LRCH1: variants seen among roughly 807,000 people sequenced by gnomAD.
The protein encoded by LRCH1 is leucine-rich repeat and calponin homology domain-containing protein 1.
A neutral mutation model predicts 94.9 loss-of-function variants in LRCH1; 23 were observed. That is an observed-to-expected ratio of 0.24 (90% confidence interval 0.17 to 0.34). The LOEUF (loss-of-function observed/expected upper bound fraction) is 0.34. Ranked by LOEUF, LRCH1 falls within the 10% of genes least tolerant of loss-of-function variation. LRCH1 has a pLI of 1.00. For missense variants in LRCH1, 790 were observed against 945.9 expected (o/e 0.84, Z 2.16); for synonymous variants, 364 against 354.9 (o/e 1.03, Z -0.29).
chr13:46,680,618 T>C (rs1372997335), intron 3 of LRCH1, among the ~76,000 whole-genome samples: 1 of 152,002 alleles, frequency 6.6e-6, no homozygotes, highest in Non-Finnish European at 1.5e-5. Context: ...CATGAACAAG[T>C]TTGGGAATTA....
At chr13:46,703,541 C>G (rs987845246) in intron 11 of LRCH1, among the ~76,000 whole-genome samples, 1 of 152,002 alleles carries the variant, frequency 6.6e-6, no homozygotes, top group Non-Finnish European at 1.5e-5. Flanking sequence ...TCCTAAGAGA[C>G]AAGAAGACGT....
intron 1 of LRCH1, among the ~76,000 whole-genome samples, chr13:46,573,864 ATAT>A (rs1452240515): frequency 5.0e-5 from 3 of 59,972 alleles, no homozygotes; most frequent in East Asian, 5.6e-4. Context: ...ATATATATAT[ATAT>A]TTTTTTTTTT....
At chr13:46,636,093 G>A (rs764076537) in intron 1 of LRCH1, among the ~76,000 whole-genome samples, 1 of 94,328 alleles carries the variant, frequency 1.1e-5, no homozygotes. Flanking sequence ...TTTTTGAGAT[G>A]AAGTCTCGCT....
rs555839973 is a variant in LRCH1 at position 46,731,918 on chromosome 13, C to T, written c.2008-2003C>T. On this transcript the variant is annotated intron_variant, in intron 18 of 19. Coordinates refer to ENST00000389797, the MANE Select transcript of LRCH1 (RefSeq NM_001164211.2). The stretch of plus-strand genomic sequence containing the variant: ...TCAACGCCTTAGGACAGGGTTTCTT[C>T]CTTTGTTCATTTTCCGTCACACCTA... Among the ~76,000 whole-genome samples the T allele has an allele frequency of 1.1e-4, 17 of 152,292 alleles. 1 individual carries two copies. In the South Asian group the frequency reaches 3.3e-3, roughly 30 times the overall value.
intron 19 of LRCH1, among the ~76,000 whole-genome samples, chr13:46,734,875 A>G (rs968506591): frequency 6.6e-6 from 1 of 152,230 alleles, no homozygotes; most frequent in African/African-American, 2.4e-5. Flanking sequence ...TTTTGAGTAT[A>G]TGAAGAGTTA....
rs144743800 is a variant in LRCH1 at position 46,699,366 on chromosome 13, C to T, written c.1276C>T (p.Arg426Trp). 270 of 1,614,052 alleles carry T rather than the reference C, an allele frequency of 1.7e-4. No homozygotes were observed. The highest frequency in any genetic ancestry group is 2.2e-4 in the Non-Finnish European group (254 of 1,179,936). Residue 426 changes from arginine (R) to tryptophan (W), a missense_variant, in exon 10 of 20, where the codon CGG becomes TGG. Transcript: ENST00000389797. Reference protein sequence around the residue: ...ARAEDCEELLRIEEDVHWQTE... With the variant: ...ARAEDCEELLWIEEDVHWQTE... ...GGCAGAAGACTGTGAAGAGCTGTTA[C>T]GGATAGAAGAGGATGTGCACTGGCA...
chr13:46,583,911 C>A (rs1286544057), intron 1 of LRCH1, among the ~76,000 whole-genome samples: 4 of 152,030 alleles, frequency 2.6e-5, no homozygotes, highest in African/African-American at 9.7e-5. Context: ...CAGGCGTGAG[C>A]CACTGCGCCC....
intron 1 of LRCH1, among the ~76,000 whole-genome samples, chr13:46,630,939 T>A (rs1276588507): frequency 1.3e-5 from 2 of 152,234 alleles, no homozygotes; most frequent in South Asian, 4.1e-4. Flanking sequence ...TGCTTCTGGT[T>A]CTGCCTTCAG....
rs1430038789 is a variant in LRCH1 at position 46,744,894 on chromosome 13, A to G, written c.*3046A>G. 27 of 984,798 alleles carry G rather than the reference A, an allele frequency of 2.7e-5. No individual in the cohort carries two copies. The highest frequency in any genetic ancestry group is 3.1e-5 in the Non-Finnish European group (26 of 829,600). 61.0% of individuals were successfully genotyped at this position (984,798 alleles called of 1,614,324 possible). A position where few individuals can be genotyped will look rare whatever the true frequency, so the allele number is the denominator to read the frequency against. On this transcript the variant is annotated 3_prime_UTR_variant, in exon 20 of 20. Coordinates refer to ENST00000389797, the MANE Select transcript of LRCH1 (RefSeq NM_001164211.2). ...GTTCTCAATAAACAATCAATTTGGT[A>G]TATAGAATGTGCCCTTTTTTTCTTC... is the stretch of plus-strand genomic sequence containing the variant.
At chr13:46,684,976 G>C (rs1870531104) in intron 4 of LRCH1, among the ~76,000 whole-genome samples, 1 of 152,218 alleles carries the variant, frequency 6.6e-6, no homozygotes, top group Admixed American at 6.5e-5. Flanking sequence ...CTCCAGGTCA[G>C]TGTCTTCAGT....
intron 1 of LRCH1, among the ~76,000 whole-genome samples, chr13:46,583,010 C>T (rs1391257400): frequency 2.0e-5 from 3 of 152,006 alleles, no homozygotes; most frequent in Non-Finnish European, 4.4e-5. Context: ...AATGTGTTCC[C>T]AAGAAATCCA....
At position 46,744,753 on chromosome 13, in the gene LRCH1, A is replaced by T; in HGVS notation, c.*2905A>T. The T allele has an allele frequency of 1.0e-6, 1 of 985,404 alleles. No individual in the cohort carries two copies. Among genetic ancestry groups the T allele is most frequent in the Non-Finnish European group, 1.2e-6 (1 of 829,900 alleles). 61.0% of individuals were successfully genotyped at this position (985,404 alleles called of 1,614,324 possible). A position where few individuals can be genotyped will look rare whatever the true frequency, so the allele number is the denominator to read the frequency against. ...TGCCTGTGGGGAAAAAGTAGGGATG[A>T]TATTTTAAAATTTTAAGAAACTGAA... On this transcript the variant is annotated 3_prime_UTR_variant, in exon 20 of 20. Coordinates refer to ENST00000389797, the MANE Select transcript of LRCH1 (RefSeq NM_001164211.2).
intron 2 of LRCH1, among the ~76,000 whole-genome samples, chr13:46,651,703 C>CT (rs58584317): frequency 0.53 from 67,897 of 127,018 alleles, 18,335 homozygotes; most frequent in South Asian, 0.6. Context: ...TGTAGAAGTG[C>CT]TTTTTTTTTT....
At chr13:46,738,427 G>A (rs1159661797) in intron 19 of LRCH1, among the ~76,000 whole-genome samples, 1 of 152,156 alleles carries the variant, frequency 6.6e-6, no homozygotes, top group Non-Finnish European at 1.5e-5. Context: ...TTGTGTTAAA[G>A]GTTTTATATA....
chr13:46,747,592 G>A (rs1424943323), downstream of LRCH1, among the ~76,000 whole-genome samples: 1 of 152,230 alleles, frequency 6.6e-6, no homozygotes, highest in Admixed American at 6.5e-5. Flanking sequence ...AAACACTGAG[G>A]TTGAAAAGCA....
At chr13:46,672,178 A>T (rs1482677785) in intron 3 of LRCH1, among the ~76,000 whole-genome samples, 1 of 152,104 alleles carries the variant, frequency 6.6e-6, no homozygotes, top group Non-Finnish European at 1.5e-5. Context: ...ACTTAGTAAT[A>T]TGCATTTAAG....
Position 46,553,377 on chromosome 13 carries a change from GT to G in LRCH1, c.-19del. 1 of 1,515,188 alleles carries G rather than the reference GT, an allele frequency of 6.6e-7. No individual in the cohort carries two copies. The highest frequency in any genetic ancestry group is 8.8e-7 in the Non-Finnish European group (1 of 1,134,536). The allele number at this position is 1,515,188 out of a possible 1,614,324, so 93.9% of individuals were successfully genotyped here. A position where few individuals can be genotyped will look rare whatever the true frequency, so the allele number is the denominator to read the frequency against. On this transcript the variant is annotated 5_prime_UTR_variant, in exon 1 of 20. Coordinates refer to ENST00000389797, the MANE Select transcript of LRCH1 (RefSeq NM_001164211.2). Reference sequence around the variant, plus strand: ...CCCCCCGCAGGAGCGGCGGGGCGGGGTGGGGGGGCCCGGGAGAAGATGGCGA... The same window carrying G: ...CCCCCCGCAGGAGCGGCGGGGCGGGGGGGGGGGCCCGGGAGAAGATGGCGA...
intron 1 of LRCH1, among the ~76,000 whole-genome samples, chr13:46,578,289 G>A (rs2050325620): frequency 6.6e-6 from 1 of 152,200 alleles, no homozygotes; most frequent in African/African-American, 2.4e-5. Flanking sequence ...TAATACCACT[G>A]CCCAGCCTTA....
At chr13:46,692,691 T>C (rs1566230159) in intron 8 of LRCH1, 50 bp downstream of exon 8, 1 of 1,414,170 alleles carries the variant, frequency 7.1e-7, no homozygotes, top group Non-Finnish European at 1.0e-6. Flanking sequence ...GTTTCAAATG[T>C]TATGTTTAAA....
Sources: allele counts gnomAD v4.1 joint callset (sites outside exome capture counted in the v4.1 genomes callset), GRCh38; gene constraint gnomAD v4.1.1; transcripts MANE v1.5; gene names NCBI Gene and HGNC (gene_info 2026-07-23, HGNC 2026-07-21).